Variants in CYBRD1 observed in about 807,000 individuals in gnomAD.
CYBRD1 encodes plasma membrane ascorbate-dependent reductase CYBRD1.
In CYBRD1, 14 loss-of-function variants were observed where a neutral mutation model predicts 21.9. The observed-to-expected ratio is 0.64, with a 90% CI of 0.42 to 1.00. The LOEUF is 1.00. CYBRD1 is among the 50% of genes least tolerant of loss of function. The probability of loss-of-function intolerance (pLI) is 0.00; values close to 1 mark genes in which losing one functional copy is unlikely to be tolerated. For missense variants in CYBRD1, 328 were observed against 352.5 expected (o/e 0.93, Z 0.56); for synonymous variants, 146 against 136.5 (o/e 1.07, Z -0.48).
chr2:171,529,608 T>A (rs1697434702), intron 1 of CYBRD1, among the ~76,000 whole-genome samples: 3 of 150,274 alleles, frequency 2.0e-5, no homozygotes, highest in Admixed American at 2.0e-4. Flanking sequence ...CAGAAGGATG[T>A]AGGACAGAAG....
chr2:171,523,524 C>T (rs976472401), intron 1 of CYBRD1, among the ~76,000 whole-genome samples: 4 of 152,208 alleles, frequency 2.6e-5, no homozygotes, highest in Non-Finnish European at 4.4e-5. Flanking sequence ...TGGGCACTGG[C>T]CCAGCACTCC....
intron 2 of CYBRD1, among the ~76,000 whole-genome samples, chr2:171,547,432 GCT>G (rs1267300491): frequency 1.0e-4 from 12 of 120,242 alleles, no homozygotes; most frequent in African/African-American, 3.6e-4. Context: ...GCATTTGGGT[GCT>G]CTTTTTTTTT....
intron 1 of CYBRD1, among the ~76,000 whole-genome samples, chr2:171,531,287 G>A (rs1023376249): frequency 2.0e-5 from 3 of 151,758 alleles, no homozygotes; most frequent in Admixed American, 2.0e-4. Context: ...CTAAGTTTTT[G>A]TTGTTGTTCA....
chr2:171,530,344 T>C (rs771194338), intron 1 of CYBRD1, among the ~76,000 whole-genome samples: 15 of 152,236 alleles, frequency 9.9e-5, no homozygotes, highest in Non-Finnish European at 1.9e-4. Flanking sequence ...GCCCAAAGTA[T>C]TGGCATCGTC....
At chr2:171,525,634 C>T (rs183808696) in intron 1 of CYBRD1, among the ~76,000 whole-genome samples, 2 of 152,078 alleles carry the variant, frequency 1.3e-5, no homozygotes, top group East Asian at 1.9e-4. Context: ...ACAAAGAACA[C>T]GATGTATTGG....
chr2:171,546,708 G>C (rs944383584), intron 2 of CYBRD1, among the ~76,000 whole-genome samples: 3 of 152,100 alleles, frequency 2.0e-5, no homozygotes, highest in Non-Finnish European at 4.4e-5. Context: ...GTTCTGGGAG[G>C]CCTCTCATAT....
In CYBRD1 at chr2:171,524,486, G is replaced by A. The variant is rs368140331; in HGVS notation, c.193+1748G>A. Among the ~76,000 whole-genome samples the A allele has an allele frequency of 3.5e-4, 54 of 152,310 alleles. 2 individuals are homozygous for A. In the East Asian group the frequency reaches 5.4e-3, roughly 15 times the overall value. On this transcript the variant is annotated intron_variant, in intron 1 of 3. Coordinates refer to ENST00000321348, the MANE Select transcript of CYBRD1 (RefSeq NM_024843.4). ...TCTTGGAATATCTTCTCATAATTGA[G>A]GGTAAGGGAAACACAAGTGTTATTG...
At position 171,555,260 on chromosome 2, in the gene CYBRD1, A is replaced by G. The variant is rs1683464400; in HGVS notation, c.*433A>G. 4.1e-6 allele frequency: 1 copy of G among 241,574 alleles called. No homozygotes were observed. Among genetic ancestry groups the G allele is most frequent in the African/African-American group, 2.3e-5 (1 of 43,284 alleles). 15.0% of individuals were successfully genotyped at this position (241,574 alleles called of 1,614,324 possible). On this transcript the variant is annotated 3_prime_UTR_variant, in exon 4 of 4. Coordinates refer to ENST00000321348, the MANE Select transcript of CYBRD1 (RefSeq NM_024843.4). ...AGTCCTAAAAGTTTAAAATCCGATA[A>G]GGAATATCTGGGACAGGGTTTAGAT...
At position 171,558,096 on chromosome 2, in the gene CYBRD1, CTTCTT is replaced by C. The variant is rs538107637; in HGVS notation, c.*3272_*3276del. 2.1e-3 allele frequency: 326 copies of C among 151,676 alleles called. 2 individuals carry two copies. Among genetic ancestry groups the C allele is most frequent in the African/African-American group, 6.9e-3 (284 of 41,406 alleles). 9.4% of individuals were successfully genotyped at this position (151,676 alleles called of 1,614,324 possible). ...AAAATATGCATCTATTTTTTCTTGACTTCTTTTATATAGTAATAAAAGTTATTTTG... is the reference window on the plus strand; with the variant it reads ...AAAATATGCATCTATTTTTTCTTGACTTATATAGTAATAAAAGTTATTTTG... On this transcript the variant is annotated 3_prime_UTR_variant, in exon 4 of 4. Transcript: ENST00000321348.
At position 171,555,109 on chromosome 2, in the gene CYBRD1, T is replaced by G. The variant is rs1351686914; in HGVS notation, c.*282T>G. The G allele has an allele frequency of 9.0e-6, 4 of 443,918 alleles. No individual in the cohort carries two copies. The highest frequency in any genetic ancestry group is 1.7e-5 in the Non-Finnish European group (4 of 241,938). The allele number at this position is 443,918 out of a possible 1,614,324, so 27.5% of individuals were successfully genotyped here. ...AGCACGGTGCCTTGTGCAGAATAGA[T>G]ACTCAATATGTGAATATGTGTCTAC... On this transcript the variant is annotated 3_prime_UTR_variant, in exon 4 of 4. Coordinates refer to ENST00000321348, the MANE Select transcript of CYBRD1 (RefSeq NM_024843.4).
chr2:171,527,262 GTAAA>G (rs1446776581), intron 1 of CYBRD1, among the ~76,000 whole-genome samples: 1 of 152,102 alleles, frequency 6.6e-6, no homozygotes, highest in Non-Finnish European at 1.5e-5. Context: ...ATTTTTTGTT[GTAAA>G]TAAATACACA....
intron 2 of CYBRD1, among the ~76,000 whole-genome samples, chr2:171,542,870 G>T (rs1208580280): frequency 6.6e-6 from 1 of 152,068 alleles, no homozygotes; most frequent in African/African-American, 2.4e-5. Flanking sequence ...AACAGAGCCA[G>T]ACCCTGATCT....
At chr2:171,545,194 T>C (rs2105341998) in intron 2 of CYBRD1, among the ~76,000 whole-genome samples, 1 of 151,678 alleles carries the variant, frequency 6.6e-6, no homozygotes, top group East Asian at 1.9e-4. Flanking sequence ...AGAGAATGCC[T>C]GCCAAAGGCT....
intron 2 of CYBRD1, among the ~76,000 whole-genome samples, chr2:171,544,238 A>G (rs1014497363): frequency 6.6e-6 from 1 of 152,168 alleles, no homozygotes; most frequent in African/African-American, 2.4e-5. Context: ...ATTTATAGGA[A>G]TTCTATATCG....
At chr2:171,543,714 CTT>C (rs1329208225) in intron 2 of CYBRD1, among the ~76,000 whole-genome samples, 2 of 151,840 alleles carry the variant, frequency 1.3e-5, no homozygotes, top group East Asian at 3.9e-4. Flanking sequence ...TTAAATGAAA[CTT>C]TTTTTAAAAA....
At chr2:171,547,894 C>T (rs1378812838) in intron 2 of CYBRD1, among the ~76,000 whole-genome samples, 1 of 151,962 alleles carries the variant, frequency 6.6e-6, no homozygotes, top group Admixed American at 6.6e-5. Context: ...ATGCTAGTCT[C>T]TGTGGTTGTG....
intron 1 of CYBRD1, among the ~76,000 whole-genome samples, chr2:171,540,171 C>T (rs1574438529): frequency 1.3e-5 from 2 of 152,186 alleles, no homozygotes; most frequent in African/African-American, 4.8e-5. Flanking sequence ...ATTGTAATTG[C>T]TGTATCCTTC....
chr2:171,553,009 A>G (rs1034122898), intron 2 of CYBRD1, among the ~76,000 whole-genome samples: 1 of 152,248 alleles, frequency 6.6e-6, no homozygotes, highest in Non-Finnish European at 1.5e-5. Flanking sequence ...AGAGAACTGT[A>G]TAAATAAATT....
chr2:171,536,604 C>G (rs1366153361), intron 1 of CYBRD1, among the ~76,000 whole-genome samples: 1 of 152,078 alleles, frequency 6.6e-6, no homozygotes, highest in Non-Finnish European at 1.5e-5. Flanking sequence ...CCACGCCCAG[C>G]CTGTATTTTT....
Sources: gnomAD v4.1 joint callset for allele counts (sites outside exome capture counted in the v4.1 genomes callset) on GRCh38, gnomAD v4.1.1 for gene constraint, MANE v1.5 for transcripts, NCBI Gene and HGNC (gene_info 2026-07-23, HGNC 2026-07-21) for gene names.